Variants in SLC4A4 observed in about 807,000 individuals in gnomAD.
SLC4A4 encodes the protein solute carrier family 4 member 4, also known as electrogenic sodium bicarbonate cotransporter 1.
In SLC4A4, 27 loss-of-function variants were observed where a neutral mutation model predicts 111.5. The observed-to-expected ratio is 0.24, with a 90% CI of 0.18 to 0.33. The LOEUF is 0.33. SLC4A4 is among the 10% of genes least tolerant of loss of function. SLC4A4 has a pLI of 1.00. For synonymous variants in SLC4A4, 443 were observed against 463.4 expected, an observed-to-expected ratio of 0.96 and a Z score of 0.57; for missense variants, 909 against 1,315.5, an observed-to-expected ratio of 0.69 and a Z score of 4.78.
intron 2 of SLC4A4, among the ~76,000 whole-genome samples, chr4:71,100,675 C>G (rs1214456817): frequency 1.3e-5 from 2 of 152,164 alleles, no homozygotes; most frequent in Admixed American, 6.5e-5. Flanking sequence ...TTGCAGATGG[C>G]ATAATACTGT....
At chr4:71,394,806 A>C (rs1351365969) in intron 6 of SLC4A4, among the ~76,000 whole-genome samples, 1 of 152,134 alleles carries the variant, frequency 6.6e-6, no homozygotes, top group Admixed American at 6.6e-5. Context: ...CCGTTATTCT[A>C]AGTGAAGTAA....
chr4:71,479,306 G>A (rs1401194430), intron 14 of SLC4A4, among the ~76,000 whole-genome samples: 1 of 151,604 alleles, frequency 6.6e-6, no homozygotes, highest in African/African-American at 2.4e-5. Context: ...AAGTAACCAT[G>A]GCTTCCAGTT....
In SLC4A4 at chr4:71,317,889, G is replaced by A. The variant is rs1340300171; in HGVS notation, c.254-21481G>A. On this transcript the variant is annotated intron_variant, in intron 3 of 25. Coordinates refer to ENST00000264485, the MANE Select transcript of SLC4A4 (RefSeq NM_001098484.3). ...TATAGAAATAATACTTAGGTTATGGGAATGTTCTGAGGATTAAAGGAGATA... is the reference window on the plus strand; with the variant it reads ...TATAGAAATAATACTTAGGTTATGGAAATGTTCTGAGGATTAAAGGAGATA... Among the ~76,000 whole-genome samples, 13 of 151,942 alleles carry A rather than the reference G, an allele frequency of 8.6e-5. 1 individual carries two copies. Among genetic ancestry groups the A allele is most frequent in the Admixed American group, 8.5e-4 (13 of 15,224 alleles).
Position 71,340,058 on chromosome 4 carries a change from A to T in SLC4A4, c.389+553A>T, listed in dbSNP as rs577457374. 2.6e-5 allele frequency among the ~76,000 whole-genome samples: 4 copies of T among 151,984 alleles called. No homozygotes were observed. In the South Asian group the frequency reaches 8.3e-4, roughly 32 times the overall value. ...ATAATGGGACCCCATCTCTACAAAA[A>T]AAAAAAGAAAAAAAAATCAGCCGGG... On this transcript the variant is annotated intron_variant, in intron 4 of 25. Coordinates refer to ENST00000264485, the MANE Select transcript of SLC4A4 (RefSeq NM_001098484.3).
chr4:71,306,618 A>G (rs1725709504), intron 3 of SLC4A4, among the ~76,000 whole-genome samples: 2 of 152,226 alleles, frequency 1.3e-5, no homozygotes, highest in South Asian at 2.1e-4. Flanking sequence ...GCATTATTAA[A>G]TGGAAAAAAT....
chr4:71,466,072 A>G (rs1727281438), intron 12 of SLC4A4, among the ~76,000 whole-genome samples: 1 of 152,228 alleles, frequency 6.6e-6, no homozygotes, highest in South Asian at 2.1e-4. Flanking sequence ...AGGAACCACA[A>G]AGAGGAAATT....
chr4:71,430,632 A>G (rs1299595917), intron 7 of SLC4A4, among the ~76,000 whole-genome samples: 1 of 152,138 alleles, frequency 6.6e-6, no homozygotes, highest in African/African-American at 2.4e-5. Context: ...GTGAGTTCAC[A>G]GAACAGACAA....
At chr4:71,331,604 A>G (rs1199728700) in intron 3 of SLC4A4, among the ~76,000 whole-genome samples, 5 of 146,398 alleles carry the variant, frequency 3.4e-5, no homozygotes, top group Non-Finnish European at 6.0e-5. Flanking sequence ...GGGGGGAGGG[A>G]TAGCATTAGG....
chr4:71,563,165 T>C lies in SLC4A4; in HGVS notation c.3100-628T>C, dbSNP rs72854453. On this transcript the variant is annotated intron_variant, in intron 23 of 25. Coordinates refer to ENST00000264485, the MANE Select transcript of SLC4A4 (RefSeq NM_001098484.3). ...TGATTCTCTGCTTATCTGACCATCA[T>C]AGACACCTTTTTAAACATTTTATTT... 4.9e-3 allele frequency among the ~76,000 whole-genome samples: 739 copies of C among 151,984 alleles called. 9 individuals are homozygous for C. Among genetic ancestry groups the C allele is most frequent in the African/African-American group, 0.017 (697 of 41,532 alleles).
chr4:71,326,681 G>A (rs1313012928), intron 3 of SLC4A4, among the ~76,000 whole-genome samples: 1 of 152,050 alleles, frequency 6.6e-6, no homozygotes, highest in Admixed American at 6.6e-5. Context: ...TTGAAAGATT[G>A]TGAAGATTAG....
intron 6 of SLC4A4, among the ~76,000 whole-genome samples, chr4:71,374,016 G>T (rs1255237212): frequency 6.6e-6 from 1 of 152,128 alleles, no homozygotes; most frequent in Non-Finnish European, 1.5e-5. Flanking sequence ...CATCTTTGAA[G>T]ATATGTTTCA....
chr4:71,120,968 G>A lies in SLC4A4; in HGVS notation c.-2+28176G>A, dbSNP rs371115945. On this transcript the variant is annotated intron_variant, in intron 2 of 26. Coordinates refer to the SLC4A4 transcript ENST00000649996. ...GGAACCAGGGCAGCACGCCGCCCTCGCGGGCCAGCACGAGTTCCGGGTGGG... is the reference window on the plus strand; with the variant it reads ...GGAACCAGGGCAGCACGCCGCCCTCACGGGCCAGCACGAGTTCCGGGTGGG... Among the ~76,000 whole-genome samples the A allele has an allele frequency of 1.1e-4, 16 of 152,326 alleles. No homozygotes were observed. In the East Asian group the frequency reaches 2.3e-3, roughly 22 times the overall value.
intron 1 of SLC4A4, among the ~76,000 whole-genome samples, chr4:71,187,842 G>C (rs1745553589): frequency 6.6e-6 from 1 of 152,016 alleles, no homozygotes; most frequent in African/African-American, 2.4e-5. Flanking sequence ...GGGAGATTTG[G>C]GGACTCTTGG....
chr4:71,522,976 A>G (rs771486779), intron 16 of SLC4A4, among the ~76,000 whole-genome samples: 5 of 152,112 alleles, frequency 3.3e-5, no homozygotes, highest in African/African-American at 7.2e-5. Context: ...TTCTAGAACC[A>G]TTTTTTTAAT....
intron 12 of SLC4A4, 128 bp from the exon 13 acceptor site, chr4:71,466,316 T>C: frequency 1.9e-6 from 2 of 1,032,618 alleles, no homozygotes; most frequent in South Asian, 3.0e-5. Context: ...GACTTTGTTC[T>C]TCATTCTTGA....
At chr4:71,145,736 G>A (rs1374066037) in intron 2 of SLC4A4, among the ~76,000 whole-genome samples, 5 of 152,176 alleles carry the variant, frequency 3.3e-5, no homozygotes, top group Non-Finnish European at 5.9e-5. Flanking sequence ...TATTTGCGTA[G>A]AGGTGTTTAT....
chr4:71,567,073 G>A lies in SLC4A4; in HGVS notation c.*26G>A, dbSNP rs200777620. On this transcript the variant is annotated 3_prime_UTR_variant, in exon 25 of 26. Coordinates refer to ENST00000264485, the MANE Select transcript of SLC4A4 (RefSeq NM_001098484.3). ...TAAAATTCCTTTCCTTCAGTCACTC[G>A]GTATGCCAAGGTAAAGGAGAGCCCA... The A allele has an allele frequency of 2.3e-5, 37 of 1,608,098 alleles. No homozygotes were observed. The highest frequency in any genetic ancestry group is 9.9e-5 in the South Asian group (9 of 90,510).
chr4:71,106,772 G>T (rs1742935230), intron 2 of SLC4A4, among the ~76,000 whole-genome samples: 1 of 117,754 alleles, frequency 8.5e-6, no homozygotes, highest in Non-Finnish European at 1.7e-5. Flanking sequence ...GGGGACTGTT[G>T]TGGGGTGGGG....
At chr4:71,532,289 T>C (rs1734002517) in intron 17 of SLC4A4, 114 bp downstream of exon 17, 2 of 755,582 alleles carry the variant, frequency 2.6e-6, no homozygotes, top group Non-Finnish European at 4.8e-6. Flanking sequence ...CCATATTTTT[T>C]TTCCAAAATC....
Sources: gnomAD v4.1 joint callset for allele counts (sites outside exome capture counted in the v4.1 genomes callset) on GRCh38, gnomAD v4.1.1 for gene constraint, MANE v1.5 for transcripts, NCBI Gene and HGNC (gene_info 2026-07-23, HGNC 2026-07-21) for gene names.